CAMK4: variants seen among roughly 807,000 people sequenced by gnomAD.
CAMK4 encodes calcium/calmodulin-dependent protein kinase type IV.
A neutral mutation model predicts 44.9 loss-of-function variants in CAMK4; 22 were observed. The observed-to-expected ratio is 0.49, with a 90% CI of 0.35 to 0.70. The LOEUF is 0.70. Ranked by LOEUF, CAMK4 falls within the 30% of genes least tolerant of loss-of-function variation. The probability of loss-of-function intolerance (pLI) is 0.01; values close to 1 mark genes in which losing one functional copy is unlikely to be tolerated. For missense variants in CAMK4, 498 were observed against 586.8 expected (o/e 0.85, Z 1.56); for synonymous variants, 218 against 215.4 (o/e 1.01, Z -0.11).
chr5:111,479,612 C>CG (rs1561513376), intron 9 of CAMK4, among the ~76,000 whole-genome samples: 1 of 152,128 alleles, frequency 6.6e-6, no homozygotes, highest in Non-Finnish European at 1.5e-5. Flanking sequence ...GCTAAGGTCA[C>CG]ACAGCTTCCC....
In CAMK4 at chr5:111,290,696, G is replaced by A. The variant is rs1011151315; in HGVS notation, c.162-53328G>A. On this transcript the variant is annotated intron_variant, in intron 1 of 10. Coordinates refer to ENST00000282356, the MANE Select transcript of CAMK4 (RefSeq NM_001744.6). This position sits in a 1 kb window ranked among gnomAD's most constrained non-coding sequence, Gnocchi z 4.5. Reference sequence around the variant, plus strand: ...CCACATTTGTGAGTTGCATATGTGCGGGTGCCATGGGGTCGAGTGATGGAA... The same window carrying A: ...CCACATTTGTGAGTTGCATATGTGCAGGTGCCATGGGGTCGAGTGATGGAA... Among the ~76,000 whole-genome samples, 1 of 152,126 alleles carries A rather than the reference G, an allele frequency of 6.6e-6. No homozygotes were observed. The highest frequency in any genetic ancestry group is 2.4e-5 in the African/African-American group (1 of 41,414).
intron 1 of CAMK4, among the ~76,000 whole-genome samples, chr5:111,319,983 A>G (rs904088241): frequency 1.3e-5 from 2 of 152,196 alleles, no homozygotes; most frequent in African/African-American, 4.8e-5. Context: ...ATAGGAGTGG[A>G]AAAAGCTTAA....
chr5:111,466,509 A>G (rs931059663), intron 7 of CAMK4, among the ~76,000 whole-genome samples: 7 of 152,202 alleles, frequency 4.6e-5, no homozygotes, highest in African/African-American at 1.7e-4. Flanking sequence ...ATTTCAGGAT[A>G]CAAAATTAAT....
At position 111,464,417 on chromosome 5, in the gene CAMK4, G is replaced by A. The variant is rs150315039; in HGVS notation, c.626-8894G>A. Reference sequence around the variant, plus strand: ...TAAAAATGTGGAAAACATATTTGTGGGAATAGTTGAGGAAAACTTCCCTGG... The same window carrying A: ...TAAAAATGTGGAAAACATATTTGTGAGAATAGTTGAGGAAAACTTCCCTGG... On this transcript the variant is annotated intron_variant, in intron 7 of 10. Coordinates refer to ENST00000282356, the MANE Select transcript of CAMK4 (RefSeq NM_001744.6). Among the ~76,000 whole-genome samples, 3 of 152,280 alleles carry A rather than the reference G, an allele frequency of 2.0e-5. No homozygotes were observed. The East Asian group carries it at 5.8e-4, about 29-fold the overall frequency.
intron 1 of CAMK4, among the ~76,000 whole-genome samples, chr5:111,285,883 C>T (rs192537994): frequency 6.6e-6 from 1 of 152,324 alleles, no homozygotes. Flanking sequence ...ATCCATTTCT[C>T]TGATAAAGTA....
chr5:111,428,764 A>C (rs548110981), intron 5 of CAMK4, among the ~76,000 whole-genome samples: 1 of 152,342 alleles, frequency 6.6e-6, no homozygotes, highest in Admixed American at 6.5e-5. Flanking sequence ...TCTAAAGAGA[A>C]GGTAGAGAAA....
At chr5:111,339,037 T>C (rs1044032246) in intron 1 of CAMK4, among the ~76,000 whole-genome samples, 1 of 151,260 alleles carries the variant, frequency 6.6e-6, no homozygotes, top group Non-Finnish European at 1.5e-5. Context: ...TATAGATTGC[T>C]TTAAGCCATA....
chr5:111,376,441 A>G (rs1306019038), intron 3 of CAMK4, among the ~76,000 whole-genome samples: 3 of 151,896 alleles, frequency 2.0e-5, no homozygotes, highest in Non-Finnish European at 4.4e-5. Flanking sequence ...CCTGCCGCAG[A>G]CCCCTAATTT....
intron 5 of CAMK4, among the ~76,000 whole-genome samples, chr5:111,441,838 C>G (rs966008434): frequency 3.3e-5 from 5 of 152,108 alleles, no homozygotes; most frequent in Admixed American, 2.0e-4. Flanking sequence ...TTAGGTATTT[C>G]TTTGTCAGCT....
chr5:111,417,310 G>A (rs1016954977), intron 5 of CAMK4, among the ~76,000 whole-genome samples: 6 of 150,408 alleles, frequency 4.0e-5, no homozygotes, highest in Admixed American at 1.3e-4. Flanking sequence ...TCCGCCCCCC[G>A]GGTTCAAAGG....
At chr5:111,228,014 A>C (rs770067197) in intron 1 of CAMK4, among the ~76,000 whole-genome samples, 1 of 152,168 alleles carries the variant, frequency 6.6e-6, no homozygotes, top group African/African-American at 2.4e-5. Context: ...GATCCCGCCC[A>C]GTGGTTTGGC....
intron 5 of CAMK4, among the ~76,000 whole-genome samples, chr5:111,409,791 G>A (rs921019280): frequency 2.0e-5 from 3 of 152,296 alleles, no homozygotes; most frequent in Admixed American, 2.0e-4. Flanking sequence ...GGGGCAAAAT[G>A]CTGCCAGTCT....
intron 1 of CAMK4, among the ~76,000 whole-genome samples, chr5:111,291,493 A>G (rs1163159605): frequency 6.6e-6 from 1 of 152,080 alleles, no homozygotes; most frequent in Admixed American, 6.6e-5. Flanking sequence ...TTAAGTCTCT[A>G]TTAAGACTTT....
At chr5:111,275,456 C>T (rs1289601995) in intron 1 of CAMK4, among the ~76,000 whole-genome samples, 2 of 152,004 alleles carry the variant, frequency 1.3e-5, no homozygotes, top group Non-Finnish European at 2.9e-5. Context: ...TTTCTTTGCT[C>T]ACCATTACAT....
rs2112505969 is a variant in CAMK4, at chr5:111,484,372, C to T, written c.1328C>T (p.Thr443Ile). Residue 443 changes from threonine to isoleucine, a missense_variant, in exon 11 of 11, where the codon ACT becomes ATT. By Grantham distance (89) the Thr-to-Ile change is moderately conservative. Coordinates refer to ENST00000282356, the MANE Select transcript of CAMK4 (RefSeq NM_001744.6). This position sits in a 1 kb window ranked among gnomAD's most constrained non-coding sequence, Gnocchi z 5.3. Reference protein sequence around the residue: ...EEGLAEEKLKTVEEAAAPREG... With the variant: ...EEGLAEEKLKIVEEAAAPREG... ...GGCCTAGCAGAGGAGAAGCTGAAGA[C>T]TGTGGAGGAGGCAGCAGCTCCCAGA... is the stretch of plus-strand genomic sequence containing the variant. 6.2e-7 allele frequency: 1 copy of T among 1,604,772 alleles called. No individual in the cohort carries two copies. The highest frequency in any genetic ancestry group is 1.1e-5 in the South Asian group (1 of 89,682).
intron 1 of CAMK4, among the ~76,000 whole-genome samples, chr5:111,269,425 C>T (rs1313611091): frequency 6.6e-6 from 1 of 152,200 alleles, no homozygotes; most frequent in Admixed American, 6.5e-5. Flanking sequence ...AAGGGCCTTC[C>T]TCCATGAACT....
At chr5:111,283,939 G>A (rs906279964) in intron 1 of CAMK4, among the ~76,000 whole-genome samples, 1 of 152,038 alleles carries the variant, frequency 6.6e-6, no homozygotes, top group Non-Finnish European at 1.5e-5. Context: ...CATTTCACTT[G>A]AAAAATCATT....
intron 5 of CAMK4, among the ~76,000 whole-genome samples, chr5:111,418,455 T>TA (rs397771752): frequency 6.8e-6 from 1 of 146,298 alleles, no homozygotes; most frequent in Non-Finnish European, 1.5e-5. Flanking sequence ...ATTTTTTTTT[T>TA]ATATACTTTA....
chr5:111,313,904 G>A (rs1748312966), intron 1 of CAMK4, among the ~76,000 whole-genome samples: 1 of 152,016 alleles, frequency 6.6e-6, no homozygotes, highest in African/African-American at 2.4e-5. Context: ...AATGATGTGC[G>A]ATATGTGTAT....
Sources: allele counts gnomAD v4.1 joint callset (sites outside exome capture counted in the v4.1 genomes callset), GRCh38; gene constraint gnomAD v4.1.1; non-coding constraint Gnocchi (gnomAD v3.1); transcripts MANE v1.5; gene names NCBI Gene and HGNC (gene_info 2026-07-23, HGNC 2026-07-21).